Variants in POU2F2 observed in about 807,000 individuals in gnomAD.
POU2F2 encodes the protein POU domain, class 2, transcription factor 2.
Under a neutral mutation model 63.5 loss-of-function variants are expected in POU2F2, and 14 were observed. The observed-to-expected ratio is 0.22, with a 90% CI of 0.15 to 0.34. The LOEUF is 0.34. Ranked by LOEUF, POU2F2 falls within the 10% of genes least tolerant of loss-of-function variation. The pLI is 1.00. For synonymous variants in POU2F2, 306 were observed against 348.6 expected (o/e 0.88, Z 1.36); for missense variants, 607 against 815.2 (o/e 0.74, Z 3.11).
At chr19:42,173,601 C>T (rs1399369192) in intron 1 of POU2F2, among the ~76,000 whole-genome samples, 4 of 151,402 alleles carry the variant, frequency 2.6e-5, no homozygotes, top group South Asian at 2.1e-4. Flanking sequence ...CTGTCTAGGA[C>T]GTATAGGCTA....
At chr19:42,145,948 T>C (rs2034222061) in intron 2 of POU2F2, among the ~76,000 whole-genome samples, 1 of 140,464 alleles carries the variant, frequency 7.1e-6, no homozygotes, top group Non-Finnish European at 1.5e-5. Flanking sequence ...AAAAAAGAGT[T>C]CTGCTTCCCA....
At chr19:42,119,752 A>T (rs1479882303) in intron 4 of POU2F2, among the ~76,000 whole-genome samples, 7 of 152,120 alleles carry the variant, frequency 4.6e-5, no homozygotes, top group Admixed American at 4.6e-4. Context: ...TGACAGTGCG[A>T]GACTCCGTCT....
chr19:42,130,411 A>T (rs934241973), intron 1 of POU2F2, among the ~76,000 whole-genome samples: 2 of 152,108 alleles, frequency 1.3e-5, no homozygotes, highest in Non-Finnish European at 2.9e-5. Context: ...GAGACCAGGC[A>T]GGGTGAGTGA....
upstream of POU2F2, chr19:42,132,605 G>C (rs1004400348): frequency 8.9e-6 from 4 of 450,786 alleles, no homozygotes; most frequent in African/African-American, 8.2e-5. Flanking sequence ...GTGTGTGCTG[G>C]GGGGTGGGGG....
chr19:42,170,277 G>C (rs1374163692), intron 1 of POU2F2, among the ~76,000 whole-genome samples: 3 of 151,876 alleles, frequency 2.0e-5, no homozygotes, highest in Admixed American at 1.3e-4. Context: ...CTCTGAAACA[G>C]GCAATCACAC....
chr19:42,119,750 C>T (rs984745536), intron 4 of POU2F2, among the ~76,000 whole-genome samples: 1 of 151,870 alleles, frequency 6.6e-6, no homozygotes, highest in South Asian at 2.1e-4. Flanking sequence ...GGTGACAGTG[C>T]GAGACTCCGT....
At position 42,152,073 on chromosome 19, in the gene POU2F2, CTGGT is replaced by C. The variant is rs1028777664; in HGVS notation, c.-9+8255_-9+8258del. 2.6e-5 allele frequency among the ~76,000 whole-genome samples: 4 copies of C among 152,156 alleles called. No homozygotes were observed. Among genetic ancestry groups the C allele is most frequent in the African/African-American group, 9.7e-5 (4 of 41,428 alleles). Reference sequence around the variant, plus strand: ...ACAGTGAAGGAGGAGGATTCACACTCTGGTTGGTCACAATCCACCCATGACACTG... The same window carrying C: ...ACAGTGAAGGAGGAGGATTCACACTCTGGTCACAATCCACCCATGACACTG... On this transcript the variant is annotated intron_variant, in intron 2 of 6. Coordinates refer to the POU2F2 transcript ENST00000524801. The surrounding 1 kb of genome is among the most constrained non-coding windows in gnomAD (Gnocchi z 4.1).
chr19:42,104,167 T>C (rs751027466), intron 5 of POU2F2, among the ~76,000 whole-genome samples: 5 of 152,152 alleles, frequency 3.3e-5, no homozygotes, highest in Non-Finnish European at 5.9e-5. Context: ...GCAATTGCAC[T>C]GAGATATCAT....
intron 1 of POU2F2, among the ~76,000 whole-genome samples, chr19:42,166,219 A>G (rs2034646373): frequency 6.6e-6 from 1 of 152,236 alleles, no homozygotes; most frequent in Admixed American, 6.5e-5. Context: ...GTGTGCACAC[A>G]CTGGAATAGT....
At chr19:42,123,120 AC>A (rs1331604272) in intron 1 of POU2F2, 3 of 152,260 alleles carry the variant, frequency 2.0e-5, no homozygotes, top group African/African-American at 7.3e-5. Context: ...CCCTCTTCCC[AC>A]CCCACCACTT....
chr19:42,174,913 C>T (rs2034843881), intron 1 of POU2F2, among the ~76,000 whole-genome samples: 1 of 152,166 alleles, frequency 6.6e-6, no homozygotes, highest in Non-Finnish European at 1.5e-5. Flanking sequence ...ACCTACTCCC[C>T]AACTCCACAG....
intron 5 of POU2F2, chr19:42,110,630 G>A (rs2030935649): frequency 4.6e-6 from 2 of 433,016 alleles, no homozygotes; most frequent in South Asian, 3.3e-5. Flanking sequence ...GATGCAAGTT[G>A]TTATGGAGAG....
intron 4 of POU2F2, among the ~76,000 whole-genome samples, chr19:42,119,547 C>T (rs1356565275): frequency 6.6e-6 from 1 of 152,162 alleles, no homozygotes; most frequent in African/African-American, 2.4e-5. Context: ...GTGGCACACA[C>T]CTGTAATCCC....
chr19:42,175,455 A>T (rs1007428529), intron 1 of POU2F2, among the ~76,000 whole-genome samples: 1 of 151,812 alleles, frequency 6.6e-6, no homozygotes, highest in Admixed American at 6.6e-5. Flanking sequence ...AGTGGCAGGA[A>T]GGGAAGAATA....
At chr19:42,122,446 C>A (rs955881434) in intron 2 of POU2F2, 65 bp downstream of exon 2, 2 of 1,609,788 alleles carry the variant, frequency 1.2e-6, no homozygotes, top group Admixed American at 1.7e-5. Context: ...TCCCAGCTCT[C>A]TTCCCATCTG....
chr19:42,189,152 C>T (rs2035049668), intron 1 of POU2F2, among the ~76,000 whole-genome samples: 1 of 152,162 alleles, frequency 6.6e-6, no homozygotes, highest in African/African-American at 2.4e-5. Context: ...GGCTGGTAAG[C>T]AGGAATGGAT....
rs1466010613 is a variant in POU2F2 at position 42,152,871 on chromosome 19, C to T, written c.-9+7461G>A. On this transcript the variant is annotated intron_variant, in intron 2 of 6. Coordinates refer to the POU2F2 transcript ENST00000524801. The surrounding 1 kb of genome is among the most constrained non-coding windows in gnomAD (Gnocchi z 4.1). ...CTTTGAAGGTGTGTGACGGACAGAG[C>T]TCTGGGAGGTGGGCAGGGGGCACCT... Among the ~76,000 whole-genome samples, 1 of 152,178 alleles carries T rather than the reference C, an allele frequency of 6.6e-6. No individual in the cohort carries two copies. The highest frequency in any genetic ancestry group is 1.9e-4 in the East Asian group (1 of 5,198).
chr19:42,160,964 T>G (rs767544291), intron 1 of POU2F2, among the ~76,000 whole-genome samples: 3 of 152,238 alleles, frequency 2.0e-5, no homozygotes, highest in Non-Finnish European at 4.4e-5. Flanking sequence ...GTGCATTTAG[T>G]TCATCAACAA....
At position 42,117,123 on chromosome 19, in the gene POU2F2, G is replaced by A. The variant is rs182131122; in HGVS notation, c.369+127C>T. On this transcript the variant is annotated intron_variant, in intron 5 of 14. Coordinates refer to ENST00000692977, the MANE Select transcript of POU2F2 (RefSeq NM_001394376.1). This position sits in a 1 kb window ranked among gnomAD's most constrained non-coding sequence, Gnocchi z 4.4. ...AGGGGACAAGACCTCCTAGAGGACA[G>A]AAGAGGGCAAGAGGCAGGTGTGAGA... 80 of 808,106 alleles carry A rather than the reference G, an allele frequency of 9.9e-5. 1 individual carries two copies. In the Admixed American group the frequency reaches 2.0e-3, roughly 20 times the overall value. 50.1% of individuals were successfully genotyped at this position (808,106 alleles called of 1,614,324 possible). A position where few individuals can be genotyped will look rare whatever the true frequency, so the allele number is the denominator to read the frequency against.
Sources: allele counts gnomAD v4.1 joint callset (sites outside exome capture counted in the v4.1 genomes callset), GRCh38; gene constraint gnomAD v4.1.1; non-coding constraint Gnocchi (gnomAD v3.1); transcripts MANE v1.5; gene names NCBI Gene and HGNC (gene_info 2026-07-23, HGNC 2026-07-21).